RBFOX1: variants seen among roughly 807,000 people sequenced by gnomAD.
RBFOX1 encodes the protein RNA binding protein fox-1 homolog 1.
A neutral mutation model predicts 57.7 loss-of-function variants in RBFOX1; 8 were observed. That is an observed-to-expected ratio of 0.14 (90% CI 0.08 to 0.25). RBFOX1 has a LOEUF of 0.25. Among genes scored for constraint, RBFOX1 ranks in the 10% least tolerant of loss-of-function variants. The pLI is 1.00. For missense variants in RBFOX1, 611 were observed against 548.5 expected (o/e 1.11, Z -1.14); for synonymous variants, 326 against 222.4 (o/e 1.47, Z -4.15).
At chr16:6,644,823 C>T (rs995656399) in intron 2 of RBFOX1, among the ~76,000 whole-genome samples, 2 of 152,142 alleles carry the variant, frequency 1.3e-5, no homozygotes, top group African/African-American at 4.8e-5. Flanking sequence ...TTAGACTAAG[C>T]GGAGGTGGCC....
intron 4 of RBFOX1, among the ~76,000 whole-genome samples, chr16:5,870,697 G>A (rs1254440026): frequency 6.6e-6 from 1 of 150,674 alleles, no homozygotes; most frequent in African/African-American, 2.4e-5. Flanking sequence ...TTTCATGACA[G>A]CAGGGAGGTA....
intron 4 of RBFOX1, among the ~76,000 whole-genome samples, chr16:7,234,799 A>C (rs1252423657): frequency 6.6e-6 from 1 of 152,026 alleles, no homozygotes; most frequent in Non-Finnish European, 1.5e-5. Context: ...ACTCATTTTC[A>C]ATTTCCAAAA....
intron 3 of RBFOX1, among the ~76,000 whole-genome samples, chr16:6,688,044 T>C (rs1451412935): frequency 1.3e-5 from 2 of 152,202 alleles, no homozygotes; most frequent in Admixed American, 6.5e-5. Flanking sequence ...TATTAGTCCA[T>C]TCTTGCACTG....
rs188963474 is a variant in RBFOX1, at chr16:6,211,487, C to G, written c.-126-105508C>G. On this transcript the variant is annotated intron_variant, in intron 1 of 15. Transcript: ENST00000550418. ...ACGTGATCCACCCGCCTCTGCCTCC[C>G]AAAGTGCTGGGATTACAGGCGTGAG... is the stretch of plus-strand genomic sequence containing the variant. Among the ~76,000 whole-genome samples, 6 of 152,252 alleles carry G rather than the reference C, an allele frequency of 3.9e-5. No homozygotes were observed. The East Asian group carries it at 5.8e-4, about 15-fold the overall frequency.
At chr16:6,298,996 G>T (rs1336628829) in intron 1 of RBFOX1, among the ~76,000 whole-genome samples, 1 of 152,178 alleles carries the variant, frequency 6.6e-6, no homozygotes, top group Non-Finnish European at 1.5e-5. Context: ...TCAGGATCTT[G>T]ACCCCTTTCC....
intron 4 of RBFOX1, among the ~76,000 whole-genome samples, chr16:7,378,011 A>T (rs908232593): frequency 1.3e-5 from 2 of 152,156 alleles, no homozygotes; most frequent in Admixed American, 1.3e-4. Flanking sequence ...CAAAGTCTCT[A>T]AAGTTAGAAT....
At chr16:6,556,978 C>CATATAT (rs2097106347) in intron 2 of RBFOX1, among the ~76,000 whole-genome samples, 1 of 143,618 alleles carries the variant, frequency 7.0e-6, no homozygotes, top group African/African-American at 2.5e-5. Context: ...AATATACACA[C>CATATAT]ATACGTATAT....
intron 4 of RBFOX1, among the ~76,000 whole-genome samples, chr16:7,390,574 T>C (rs1013095884): frequency 6.6e-6 from 1 of 152,198 alleles, no homozygotes; most frequent in Non-Finnish European, 1.5e-5. Flanking sequence ...ATCGCAGAGA[T>C]TATGCAAGTA....
chr16:5,745,940 T>C (rs1174177581), intron 3 of RBFOX1, among the ~76,000 whole-genome samples: 2 of 152,210 alleles, frequency 1.3e-5, no homozygotes, highest in Admixed American at 6.5e-5. Flanking sequence ...CTCTTTAGTT[T>C]AATTAGATCC....
chr16:7,673,086 C>G (rs1233983121), intron 13 of RBFOX1, among the ~76,000 whole-genome samples: 1 of 152,160 alleles, frequency 6.6e-6, no homozygotes, highest in East Asian at 1.9e-4. Context: ...CCTATGCACT[C>G]CAGCTGAAGG....
chr16:6,182,997 A>G (rs1046960641), intron 1 of RBFOX1, among the ~76,000 whole-genome samples: 4 of 152,224 alleles, frequency 2.6e-5, no homozygotes, highest in Non-Finnish European at 4.4e-5. Context: ...GTCAGATCAT[A>G]TACATTAATT....
intron 1 of RBFOX1, among the ~76,000 whole-genome samples, chr16:6,276,830 T>A (rs916199399): frequency 5.0e-5 from 7 of 141,238 alleles, no homozygotes; most frequent in South Asian, 2.3e-4. Flanking sequence ...TTTTTTTTTT[T>A]ATTAACTATG....
Position 6,426,702 on chromosome 16 carries a change from C to G in RBFOX1, c.-64+109645C>G, listed in dbSNP as rs551373145. On this transcript the variant is annotated intron_variant, in intron 2 of 15. Coordinates refer to ENST00000550418, the MANE Select transcript of RBFOX1 (RefSeq NM_018723.4). Reference sequence around the variant, plus strand: ...GACCGGCAGAGAGGCCCCTATACCCCCATTGAGACAGAAGCAATTTGAAAG... The same window carrying G: ...GACCGGCAGAGAGGCCCCTATACCCGCATTGAGACAGAAGCAATTTGAAAG... Among the ~76,000 whole-genome samples, 35 of 152,258 alleles carry G rather than the reference C, an allele frequency of 2.3e-4. No individual in the cohort carries two copies. The East Asian group carries it at 3.9e-3, about 17-fold the overall frequency.
chr16:7,251,263 C>G (rs755693262), intron 4 of RBFOX1, among the ~76,000 whole-genome samples: 1 of 152,120 alleles, frequency 6.6e-6, no homozygotes, highest in African/African-American at 2.4e-5. Context: ...TGAAATCACG[C>G]AGTATTTGTT....
chr16:6,829,892 A>G (rs1266849620), intron 3 of RBFOX1, among the ~76,000 whole-genome samples: 2 of 151,756 alleles, frequency 1.3e-5, no homozygotes, highest in African/African-American at 4.9e-5. Context: ...GTAAACCACC[A>G]TGCCCAGCCC....
At chr16:5,954,605 T>G (rs2152280349) in intron 4 of RBFOX1, among the ~76,000 whole-genome samples, 1 of 152,264 alleles carries the variant, frequency 6.6e-6, no homozygotes, top group Non-Finnish European at 1.5e-5. Flanking sequence ...TTTGTGGTGC[T>G]AAGCAGAGTT....
At chr16:5,822,812 C>T (rs186326107) in intron 3 of RBFOX1, among the ~76,000 whole-genome samples, 1 of 152,226 alleles carries the variant, frequency 6.6e-6, no homozygotes, top group East Asian at 1.9e-4. Context: ...ACCTAGCTGC[C>T]CAGGTTTAAG....
chr16:6,117,191 G>A (rs2096505648), intron 1 of RBFOX1, among the ~76,000 whole-genome samples: 1 of 152,042 alleles, frequency 6.6e-6, no homozygotes, highest in South Asian at 2.1e-4. Flanking sequence ...AAAAGGGTGA[G>A]AGTTCAGGGG....
chr16:7,031,557 T>G (rs992589087), intron 3 of RBFOX1, among the ~76,000 whole-genome samples: 1 of 151,050 alleles, frequency 6.6e-6, no homozygotes, highest in Non-Finnish European at 1.5e-5. Context: ...GCCAAGATCA[T>G]GCCACTGCAC....
Sources: gnomAD v4.1 joint callset for allele counts (sites outside exome capture counted in the v4.1 genomes callset) on GRCh38, gnomAD v4.1.1 for gene constraint, MANE v1.5 for transcripts, NCBI Gene and HGNC (gene_info 2026-07-23, HGNC 2026-07-21) for gene names.